The following EBPL variants were observed in gnomAD, a reference collection of about 807,000 sequenced individuals.
EBPL encodes the protein emopamil-binding protein-like.
A neutral mutation model predicts 19.0 loss-of-function variants in EBPL; 20 were observed. That is an observed-to-expected ratio of 1.05 (90% CI 0.74 to 1.53). EBPL has a LOEUF of 1.53. Among genes scored for constraint, EBPL ranks in the 40% most tolerant of loss-of-function variants. The pLI, the probability that EBPL is intolerant of heterozygous loss-of-function variation, is 0.00. For missense variants in EBPL, 219 were observed against 261.1 expected, an observed-to-expected ratio of 0.84 and a Z score of 1.11; for synonymous variants, 107 against 117.0, an observed-to-expected ratio of 0.91 and a Z score of 0.55.
At chr13:49,662,266 G>C (rs1300766822) in intron 3 of EBPL, among the ~76,000 whole-genome samples, 1 of 152,162 alleles carries the variant, frequency 6.6e-6, no homozygotes, top group Non-Finnish European at 1.5e-5. Flanking sequence ...AAAGTGCTGG[G>C]ATTATAGGCA....
chr13:49,686,408 G>T, intron 1 of EBPL: 1 of 1,238,754 alleles, frequency 8.1e-7, no homozygotes, highest in South Asian at 1.4e-5. Context: ...TAAGCCTTTG[G>T]CTTCTGGAGC....
intron 1 of EBPL, among the ~76,000 whole-genome samples, chr13:49,672,248 G>T (rs1020487366): frequency 6.6e-6 from 1 of 152,210 alleles, no homozygotes; most frequent in African/African-American, 2.4e-5. Context: ...AGGATGCCCT[G>T]AAGAGGCTTT....
Position 49,660,944 on chromosome 13 carries a change from A to G in EBPL, c.*24T>C. ...TTCATTCTGGTTCATGAAGTTAGATAATGGTGTTTATGGTTTTGAAAGTTC... is the reference window on the plus strand; with the variant it reads ...TTCATTCTGGTTCATGAAGTTAGATGATGGTGTTTATGGTTTTGAAAGTTC... On this transcript the variant is annotated 3_prime_UTR_variant, in exon 4 of 4. Transcript: ENST00000242827. 4 of 1,569,164 alleles carry G rather than the reference A, an allele frequency of 2.5e-6. No individual in the cohort carries two copies. The highest frequency in any genetic ancestry group is 3.5e-6 in the Non-Finnish European group (4 of 1,144,370).
chr13:49,685,093 G>T (rs545064418), intron 1 of EBPL, among the ~76,000 whole-genome samples: 1 of 152,226 alleles, frequency 6.6e-6, no homozygotes, highest in East Asian at 1.9e-4. Context: ...CACCTGGTCA[G>T]CAAAGTGAAT....
At chr13:49,682,645 T>G (rs1443435639) in intron 1 of EBPL, among the ~76,000 whole-genome samples, 1 of 152,244 alleles carries the variant, frequency 6.6e-6, no homozygotes, top group East Asian at 1.9e-4. Flanking sequence ...TGGCCAAGCT[T>G]GAGAAGCACT....
chr13:49,674,617 TA>T (rs11318543), intron 1 of EBPL, among the ~76,000 whole-genome samples: 26,933 of 145,284 alleles, frequency 0.19, 3,080 homozygotes, highest in Non-Finnish European at 0.26. Context: ...TGTCAGGACT[TA>T]AAAAAAAAAA....
At chr13:49,665,469 C>A (rs941337420) in intron 2 of EBPL, among the ~76,000 whole-genome samples, 44 of 152,216 alleles carry the variant, frequency 2.9e-4, no homozygotes, top group Admixed American at 4.6e-4. Flanking sequence ...TGGGGTTTCA[C>A]CATGTTGGTC....
chr13:49,670,111 T>C (rs890772341), intron 1 of EBPL, among the ~76,000 whole-genome samples: 7 of 152,218 alleles, frequency 4.6e-5, no homozygotes, highest in African/African-American at 1.4e-4. Context: ...GATGTGTTCT[T>C]ATGTGGAAAA....
intron 1 of EBPL, among the ~76,000 whole-genome samples, chr13:49,677,620 T>C (rs370451743): frequency 2.8e-4 from 43 of 152,164 alleles, no homozygotes; most frequent in Middle Eastern, 3.4e-3. Flanking sequence ...GTTTTAAAGA[T>C]TGTAAGGGCT....
At chr13:49,666,711 C>CAAAAAAAAAAA (rs35086927) in intron 2 of EBPL, among the ~76,000 whole-genome samples, 4 of 81,016 alleles carry the variant, frequency 4.9e-5, no homozygotes, top group Non-Finnish European at 6.5e-5. Context: ...GACTCCGTCT[C>CAAAAAAAAAAA]AAAAAAAAAA....
At chr13:49,667,213 CTT>C (rs981496526) in intron 2 of EBPL, among the ~76,000 whole-genome samples, 1 of 152,178 alleles carries the variant, frequency 6.6e-6, no homozygotes, top group Non-Finnish European at 1.5e-5. Context: ...TTAACCATCT[CTT>C]TGCTTATTAA....
chr13:49,663,140 C>T lies in EBPL; in HGVS notation c.297G>A (p.Val99=). The T allele has an allele frequency of 6.2e-7, 1 of 1,614,178 alleles. No individual in the cohort carries two copies. The change falls in exon 3 of 4, where the codon GTG becomes GTA. Residue 99 remains valine, a synonymous_variant. Transcript: ENST00000242827. ...GGGCGACGGTCAGAATTTCCACAGA[C>T]ACAATGGTTGGATCAAAATAAACCC... ...ARWVYFDPTI[V]SVEILTVALD...
intron 1 of EBPL, among the ~76,000 whole-genome samples, chr13:49,690,320 T>C: frequency 6.6e-6 from 1 of 151,464 alleles, no homozygotes; most frequent in Admixed American, 6.6e-5. Context: ...TTTACAGAAC[T>C]CGATGATTAC....
chr13:49,690,346 C>T (rs1954048010), intron 1 of EBPL, among the ~76,000 whole-genome samples: 1 of 148,228 alleles, frequency 6.7e-6, no homozygotes, highest in Non-Finnish European at 1.5e-5. Flanking sequence ...ACTCGGCTTG[C>T]TTTCTCAATA....
chr13:49,661,879 A>G (rs1384360562), intron 3 of EBPL: 1 of 1,550,528 alleles, frequency 6.4e-7, no homozygotes, highest in East Asian at 2.4e-5. Context: ...AAATTGTTTT[A>G]GGGATTCATC....
chr13:49,663,706 G>A (rs1322446961), intron 2 of EBPL, among the ~76,000 whole-genome samples: 1 of 151,992 alleles, frequency 6.6e-6, no homozygotes, highest in African/African-American at 2.4e-5. Context: ...GGGAGGCCAA[G>A]GCGGGCAGAT....
At chr13:49,675,635 C>T (rs1198441782) in intron 1 of EBPL, among the ~76,000 whole-genome samples, 1 of 152,180 alleles carries the variant, frequency 6.6e-6, no homozygotes, top group Non-Finnish European at 1.5e-5. Context: ...TATTGTGGCT[C>T]ATAAGTCTGC....
At chr13:49,661,607 A>C (rs1475855114) in intron 3 of EBPL, among the ~76,000 whole-genome samples, 1 of 152,180 alleles carries the variant, frequency 6.6e-6, no homozygotes, top group Non-Finnish European at 1.5e-5. Context: ...AGACTAAATG[A>C]GATATGAGGA....
chr13:49,686,425 C>G, intron 1 of EBPL: 1 of 1,258,062 alleles, frequency 7.9e-7, no homozygotes, highest in Non-Finnish European at 1.0e-6. Flanking sequence ...GAGCCTCCCT[C>G]CCATCAATCC....
Sources: gnomAD v4.1 joint callset for allele counts (sites outside exome capture counted in the v4.1 genomes callset) on GRCh38, gnomAD v4.1.1 for gene constraint, MANE v1.5 for transcripts, NCBI Gene and HGNC (gene_info 2026-07-23, HGNC 2026-07-21) for gene names.